CPNE8: variants seen among roughly 807,000 people sequenced by gnomAD.
CPNE8 encodes copine-8.
Under a neutral mutation model 81.5 loss-of-function variants are expected in CPNE8, and 45 were observed. The observed-to-expected ratio is 0.55, with a 90% CI of 0.44 to 0.71. The LOEUF is 0.71. CPNE8 is among the 30% of genes least tolerant of loss of function. The pLI, the probability that CPNE8 is intolerant of heterozygous loss-of-function variation, is 0.00. For missense variants in CPNE8, 594 were observed against 672.1 expected (o/e 0.88, Z 1.28); for synonymous variants, 252 against 226.3 (o/e 1.11, Z -1.02).
At chr12:38,873,340 C>T (rs925504033) in intron 2 of CPNE8, among the ~76,000 whole-genome samples, 1 of 152,020 alleles carries the variant, frequency 6.6e-6, no homozygotes, top group African/African-American at 2.4e-5. Flanking sequence ...ATTTTAAAAC[C>T]ATAATTTAAA....
intron 13 of CPNE8, among the ~76,000 whole-genome samples, 191 bp from the exon 14 acceptor site, chr12:38,703,112 TATAGTTACATATA>T: frequency 6.6e-6 from 1 of 152,288 alleles, no homozygotes; most frequent in Admixed American, 6.5e-5. Flanking sequence ...AAAATATATT[TATAGTTACATATA>T]TTTATAGTCA....
At chr12:38,681,008 T>A (rs1277519060) in intron 16 of CPNE8, among the ~76,000 whole-genome samples, 1 of 151,864 alleles carries the variant, frequency 6.6e-6, no homozygotes, top group Non-Finnish European at 1.5e-5. Flanking sequence ...AGTAACTCAT[T>A]AGGCACAGGA....
intron 4 of CPNE8, among the ~76,000 whole-genome samples, chr12:38,843,696 A>G (rs1943509360): frequency 6.6e-6 from 1 of 152,140 alleles, no homozygotes; most frequent in African/African-American, 2.4e-5. Flanking sequence ...CCCCTCCTCC[A>G]TAAGGACAAG....
chr12:38,781,848 C>A (rs935616077), intron 6 of CPNE8, among the ~76,000 whole-genome samples: 2 of 152,048 alleles, frequency 1.3e-5, no homozygotes, highest in African/African-American at 4.8e-5. Flanking sequence ...AAAAACATCA[C>A]ACAAATGCAA....
intron 1 of CPNE8, among the ~76,000 whole-genome samples, chr12:38,885,818 T>A (rs1295234913): frequency 2.0e-5 from 3 of 152,020 alleles, no homozygotes; most frequent in Non-Finnish European, 2.9e-5. Flanking sequence ...TCTGTTCTTG[T>A]GATAGTGAGT....
chr12:38,654,119 G>T (rs747268963), intron 19 of CPNE8, 49 bp from the exon 20 acceptor site: 1 of 1,522,314 alleles, frequency 6.6e-7, no homozygotes, highest in East Asian at 2.4e-5. Context: ...AGCAGGCTAT[G>T]TAATAAACAC....
At chr12:38,706,164 A>G (rs1940101069) in intron 13 of CPNE8, among the ~76,000 whole-genome samples, 1 of 152,144 alleles carries the variant, frequency 6.6e-6, no homozygotes. Flanking sequence ...CTTTCTGGCT[A>G]TAATAGGCAC....
At chr12:38,679,798 T>C (rs944381836) in intron 16 of CPNE8, 6 of 541,436 alleles carry the variant, frequency 1.1e-5, no homozygotes, top group Non-Finnish European at 1.4e-5. Flanking sequence ...TCTTCTCATT[T>C]AGTTATTTTA....
intron 1 of CPNE8, among the ~76,000 whole-genome samples, chr12:38,876,216 G>A (rs541238385): frequency 6.6e-6 from 1 of 151,996 alleles, no homozygotes; most frequent in Non-Finnish European, 1.5e-5. Context: ...GGACAGATGA[G>A]TATTCTTTTT....
chr12:38,861,659 T>C (rs887134249), intron 3 of CPNE8, among the ~76,000 whole-genome samples: 5 of 152,046 alleles, frequency 3.3e-5, no homozygotes, highest in African/African-American at 1.2e-4. Context: ...TATGACAGAA[T>C]AAAAATGGAA....
At chr12:38,846,408 G>A (rs1943561673) in intron 4 of CPNE8, among the ~76,000 whole-genome samples, 1 of 152,128 alleles carries the variant, frequency 6.6e-6, no homozygotes, top group African/African-American at 2.4e-5. Flanking sequence ...GCTATATATT[G>A]TTTTGAAAGA....
At chr12:38,733,830 T>C (rs946824845) in intron 10 of CPNE8, among the ~76,000 whole-genome samples, 2 of 152,012 alleles carry the variant, frequency 1.3e-5, no homozygotes, top group Non-Finnish European at 2.9e-5. Context: ...TTCATTAAGA[T>C]CATTTCTATG....
chr12:38,794,968 C>CT, intron 6 of CPNE8, among the ~76,000 whole-genome samples: 1 of 152,288 alleles, frequency 6.6e-6, no homozygotes, highest in South Asian at 2.1e-4. Context: ...GTGGGAGACC[C>CT]TTACTTGCTG....
chr12:38,737,025 T>A (rs1735271119), intron 10 of CPNE8, among the ~76,000 whole-genome samples: 1 of 152,066 alleles, frequency 6.6e-6, no homozygotes, highest in Non-Finnish European at 1.5e-5. Flanking sequence ...GCTTGAACGC[T>A]AATCTCTAGA....
intron 7 of CPNE8, among the ~76,000 whole-genome samples, chr12:38,772,573 G>A (rs746121200): frequency 2.8e-4 from 43 of 152,036 alleles, no homozygotes; most frequent in South Asian, 2.1e-4. Context: ...ATTAGCTCAC[G>A]CCTGTTAGAA....
chr12:38,662,272 T>C (rs1403321004), intron 19 of CPNE8, among the ~76,000 whole-genome samples: 1 of 151,996 alleles, frequency 6.6e-6, no homozygotes, highest in African/African-American at 2.4e-5. Context: ...AATACCACAA[T>C]ACAACTGTCG....
chr12:38,686,726 A>G (rs965811432), intron 15 of CPNE8, among the ~76,000 whole-genome samples: 3 of 152,156 alleles, frequency 2.0e-5, no homozygotes, highest in Admixed American at 2.0e-4. Context: ...AGAAGGATCT[A>G]TTTCCAAAAA....
At chr12:38,762,270 T>A in intron 8 of CPNE8, 54 bp from the exon 9 acceptor site, 1 of 1,060,778 alleles carries the variant, frequency 9.4e-7, no homozygotes, top group Non-Finnish European at 1.4e-6. Context: ...TTAATTGATC[T>A]ATTGTTTTAG....
intron 6 of CPNE8, among the ~76,000 whole-genome samples, chr12:38,824,316 T>C (rs1422345408): frequency 6.6e-6 from 1 of 152,114 alleles, no homozygotes; most frequent in Non-Finnish European, 1.5e-5. Context: ...CATTATAGAA[T>C]GAGGCAAAAG....
Sources: allele counts gnomAD v4.1 joint callset (sites outside exome capture counted in the v4.1 genomes callset), GRCh38; gene constraint gnomAD v4.1.1; transcripts MANE v1.5; gene names NCBI Gene and HGNC (gene_info 2026-07-23, HGNC 2026-07-21).